The following BNC2 variants were observed in gnomAD, a reference collection of about 807,000 sequenced individuals.
BNC2 encodes basonuclin zinc finger protein 2.
In BNC2, 20 loss-of-function variants were observed where a neutral mutation model predicts 76.3. That is an observed-to-expected ratio of 0.26 (90% CI 0.18 to 0.38). BNC2 has a LOEUF of 0.38. Ranked by LOEUF, BNC2 falls within the 10% of genes least tolerant of loss-of-function variation. The pLI is 1.00. For synonymous variants in BNC2, 582 were observed against 514.8 expected (o/e 1.13, Z -1.77); for missense variants, 1,382 against 1,399.8 (o/e 0.99, Z 0.20).
At chr9:16,748,410 G>C (rs1304051014) in intron 1 of BNC2, among the ~76,000 whole-genome samples, 1 of 152,180 alleles carries the variant, frequency 6.6e-6, no homozygotes, top group Non-Finnish European at 1.5e-5. Context: ...CTACTCCAGA[G>C]GCTGAGGTGG....
At chr9:16,579,896 A>C (rs1819584339) in intron 4 of BNC2, 2 of 388,952 alleles carry the variant, frequency 5.1e-6, no homozygotes, top group South Asian at 2.9e-4. Context: ...TTTTAGCAGC[A>C]GATATTAAAA....
intron 1 of BNC2, among the ~76,000 whole-genome samples, chr9:16,747,872 A>G (rs1287114931): frequency 4.6e-5 from 7 of 152,224 alleles, no homozygotes; most frequent in South Asian, 2.1e-4. Context: ...CTTAAATTCA[A>G]CTATCTACCA....
intron 1 of BNC2, among the ~76,000 whole-genome samples, chr9:16,847,344 T>C (rs1004473737): frequency 3.4e-5 from 5 of 145,064 alleles, no homozygotes; most frequent in African/African-American, 1.3e-4. Context: ...AATTACCTTT[T>C]TTACACTTTA....
intron 5 of BNC2, among the ~76,000 whole-genome samples, chr9:16,447,707 C>T (rs1821257268): frequency 6.6e-6 from 1 of 152,168 alleles, no homozygotes; most frequent in African/African-American, 2.4e-5. Flanking sequence ...ACTAAGGAAA[C>T]TGCCCAAAGA....
rs112392583 is a variant in BNC2 at position 16,854,769 on chromosome 9, G to A, written c.3+15877C>T. Among the ~76,000 whole-genome samples, 528 of 151,734 alleles carry A rather than the reference G, an allele frequency of 3.5e-3. 6 individuals are homozygous for A. The highest frequency in any genetic ancestry group is 0.012 in the African/African-American group (505 of 41,382). On this transcript the variant is annotated intron_variant, in intron 1 of 6. Transcript: ENST00000380672. ...CTAATATCTGCTTGAGAATATTAAC[G>A]TATCTAAAGAAAGAGAAATTTGTCT...
chr9:16,421,300 A>T, intron 6 of BNC2: 1 of 1,297,518 alleles, frequency 7.7e-7, no homozygotes, highest in Non-Finnish European at 1.0e-6. Context: ...CTTTTGCTAA[A>T]TCGATCACAA....
In BNC2 at chr9:16,436,739, A is replaced by G; in HGVS notation, c.1455T>C (p.Ser485=). The change falls in exon 6 of 7, where the codon AGT becomes AGC. Residue 485 remains serine, a synonymous_variant. Transcript: ENST00000380672. ...TGGGGTTTGCACTGTGGCGATTACG[A>G]CTTCGGAGGGAGCTAAAGACCATGT... ...GCNMVFSSLR[S]RNRHSANPNP... 6.2e-7 allele frequency: 1 copy of G among 1,614,136 alleles called. No homozygotes were observed. The highest frequency in any genetic ancestry group is 8.5e-7 in the Non-Finnish European group (1 of 1,180,008).
chr9:16,512,832 C>T (rs1181258506), intron 5 of BNC2, among the ~76,000 whole-genome samples: 2 of 149,400 alleles, frequency 1.3e-5, no homozygotes, highest in African/African-American at 5.2e-5. Context: ...ACAAAATAAA[C>T]TTTTAAAAAA....
At chr9:16,688,306 A>T (rs1213791238) in intron 3 of BNC2, among the ~76,000 whole-genome samples, 4 of 152,230 alleles carry the variant, frequency 2.6e-5, no homozygotes, top group African/African-American at 9.6e-5. Flanking sequence ...GTTGTAATTT[A>T]GCACATCTCA....
chr9:16,818,268 T>G (rs7863196), intron 1 of BNC2, among the ~76,000 whole-genome samples: 72,484 of 151,700 alleles, frequency 0.48, 18,505 homozygotes, highest in Non-Finnish European at 0.57. Context: ...GCCGGGCGAG[T>G]TGGCGGGCGC....
intron 3 of BNC2, among the ~76,000 whole-genome samples, chr9:16,609,603 A>G (rs982652939): frequency 1.3e-5 from 2 of 152,220 alleles, no homozygotes; most frequent in African/African-American, 4.8e-5. Flanking sequence ...TAATAAAGGT[A>G]TGTAGAAGAT....
At chr9:16,435,521 C>T in intron 6 of BNC2, 34 bp downstream of exon 6, 1 of 1,611,778 alleles carries the variant, frequency 6.2e-7, no homozygotes, top group Non-Finnish European at 8.5e-7. Flanking sequence ...CACCCTCCAC[C>T]CCCAGCAGGA....
chr9:16,722,954 T>C (rs1824203017), intron 3 of BNC2, among the ~76,000 whole-genome samples: 1 of 152,190 alleles, frequency 6.6e-6, no homozygotes, highest in South Asian at 2.1e-4. Context: ...ATATTCCTAC[T>C]TTAGTGTTAC....
intron 5 of BNC2, among the ~76,000 whole-genome samples, chr9:16,494,162 C>CT (rs1041017709): frequency 4.6e-5 from 7 of 151,808 alleles, no homozygotes; most frequent in South Asian, 2.1e-4. Context: ...TTTTCTTTTT[C>CT]TTTTTTTTGG....
chr9:16,850,400 A>G (rs1229748018), intron 1 of BNC2, among the ~76,000 whole-genome samples: 1 of 152,226 alleles, frequency 6.6e-6, no homozygotes, highest in African/African-American at 2.4e-5. Flanking sequence ...ATAGATTTAA[A>G]GAAGCTCCAT....
At chr9:16,705,845 C>G (rs1823652823) in intron 3 of BNC2, among the ~76,000 whole-genome samples, 1 of 152,170 alleles carries the variant, frequency 6.6e-6, no homozygotes, top group African/African-American at 2.4e-5. Flanking sequence ...ATTCCTATTT[C>G]TCCAGAGAAG....
intron 3 of BNC2, among the ~76,000 whole-genome samples, chr9:16,673,474 G>C (rs1822545960): frequency 6.6e-6 from 1 of 150,734 alleles, no homozygotes; most frequent in African/African-American, 2.4e-5. Context: ...ATACAACTGA[G>C]AGGTGGAGGC....
Position 16,734,256 on chromosome 9 carries a change from A to G in BNC2, c.129+4104T>C, listed in dbSNP as rs1270202354. Reference sequence around the variant, plus strand: ...CTGTGAATGAATGAACTATACACCTATCTGCTTCTGTACGTCTTCCTCTTT... The same window carrying G: ...CTGTGAATGAATGAACTATACACCTGTCTGCTTCTGTACGTCTTCCTCTTT... On this transcript the variant is annotated intron_variant, in intron 2 of 6. Transcript: ENST00000380672. Among the ~76,000 whole-genome samples the G allele has an allele frequency of 2.6e-5, 4 of 152,314 alleles. No homozygotes were observed. The East Asian group carries it at 5.8e-4, about 22-fold the overall frequency.
At chr9:16,614,787 A>T (rs1486099321) in intron 3 of BNC2, among the ~76,000 whole-genome samples, 1 of 151,804 alleles carries the variant, frequency 6.6e-6, no homozygotes, top group Non-Finnish European at 1.5e-5. Flanking sequence ...TCTCTACAAA[A>T]AAATAAAAAT....
Sources: allele counts gnomAD v4.1 joint callset (sites outside exome capture counted in the v4.1 genomes callset), GRCh38; gene constraint gnomAD v4.1.1; transcripts MANE v1.5; gene names NCBI Gene and HGNC (gene_info 2026-07-23, HGNC 2026-07-21).